The following NUP214 variants were observed in gnomAD, a reference collection of about 807,000 sequenced individuals.
NUP214 encodes the protein nucleoporin 214.
A neutral mutation model predicts 196.2 loss-of-function variants in NUP214; 79 were observed. The ratio of observed to expected loss-of-function variants is 0.40; its 90% confidence interval spans 0.34 to 0.49. The LOEUF (loss-of-function observed/expected upper bound fraction) is 0.49, where lower values mean the gene tolerates loss of function less well. Ranked by LOEUF, NUP214 falls within the 20% of genes least tolerant of loss-of-function variation. NUP214 has a pLI of 0.58. For missense variants in NUP214, 2,468 were observed against 2,539.0 expected, an observed-to-expected ratio of 0.97 and a Z score of 0.60; for synonymous variants, 1,020 against 990.5, an observed-to-expected ratio of 1.03 and a Z score of -0.56.
Position 131,197,677 on chromosome 9 carries a change from A to G in NUP214, c.4183A>G (p.Thr1395Ala), listed in dbSNP as rs1248077234. 30 of 1,614,022 alleles carry G rather than the reference A, an allele frequency of 1.9e-5. No individual in the cohort carries two copies. Among genetic ancestry groups the G allele is most frequent in the Non-Finnish European group, 2.5e-5 (30 of 1,179,988 alleles). ...EPPVTSSATT[T>A]SVAPPAATST... is the part of the protein sequence containing the mutation. ...CCCTGTGACATCCTCTGCAACCACC[A>G]CCTCAGTAGCACCACCAGCAGCCAC... is the stretch of plus-strand genomic sequence containing the variant. Residue 1395 changes from threonine to alanine, a missense_variant, in exon 29 of 36, where the codon ACC becomes GCC. This residue lies in a region of NUP214 where 1,801 missense variants were observed against 1,779.4 expected (regional missense o/e 1.01). Coordinates refer to ENST00000359428, the MANE Select transcript of NUP214 (RefSeq NM_005085.4).
intron 1 of NUP214, chr9:131,126,294 A>G (rs1337341584): frequency 6.5e-6 from 1 of 154,048 alleles, no homozygotes; most frequent in Admixed American, 6.5e-5. Context: ...TCGGTATATC[A>G]GCCTAAAGTC....
At chr9:131,164,222 C>A (rs947813849) in intron 21 of NUP214, 78 bp downstream of exon 21, 1 of 1,299,408 alleles carries the variant, frequency 7.7e-7, no homozygotes, top group Non-Finnish European at 1.1e-6. Flanking sequence ...CGCACATGCA[C>A]GTGTGCATGT....
intron 30 of NUP214, among the ~76,000 whole-genome samples, chr9:131,211,917 C>T (rs974287554): frequency 6.6e-6 from 1 of 152,168 alleles, no homozygotes; most frequent in Non-Finnish European, 1.5e-5. Context: ...TTTCATGGAA[C>T]AAGGGAGATA....
chr9:131,184,335 CTT>C (rs544235064), intron 24 of NUP214, among the ~76,000 whole-genome samples: 17 of 93,618 alleles, frequency 1.8e-4, no homozygotes, highest in African/African-American at 1.6e-4. Context: ...CGGCCTCTCT[CTT>C]TTTTTTTTTT....
intron 12 of NUP214, among the ~76,000 whole-genome samples, chr9:131,145,758 T>G (rs1486340626): frequency 2.6e-5 from 4 of 152,174 alleles, no homozygotes; most frequent in Non-Finnish European, 5.9e-5. Flanking sequence ...TCTCAGTAAT[T>G]TCCTTGGTAA....
At chr9:131,188,957 T>C (rs189020747) in intron 25 of NUP214, 96 bp from the exon 26 acceptor site, 1 of 907,428 alleles carries the variant, frequency 1.1e-6, no homozygotes, top group East Asian at 2.5e-5. Context: ...CTTGCTTATT[T>C]TAAATTATAT....
In NUP214 at chr9:131,125,604, C is replaced by G. The variant is rs774688708; in HGVS notation, c.-101C>G. On this transcript the variant is annotated 5_prime_UTR_variant, in exon 1 of 36. Coordinates refer to ENST00000359428, the MANE Select transcript of NUP214 (RefSeq NM_005085.4). The surrounding 1 kb of genome is among the most constrained non-coding windows in gnomAD (Gnocchi z 4.1). ...GAAATGCGAGGTCAACTGCGCGCCGCTGGCGCTGAGGGGAGGAAGTTTGCT... is the reference window on the plus strand; with the variant it reads ...GAAATGCGAGGTCAACTGCGCGCCGGTGGCGCTGAGGGGAGGAAGTTTGCT... 1.9e-6 allele frequency: 3 copies of G among 1,548,752 alleles called. No homozygotes were observed. Among genetic ancestry groups the G allele is most frequent in the Non-Finnish European group, 2.6e-6 (3 of 1,145,312 alleles).
chr9:131,204,686 G>A (rs1834031736), intron 30 of NUP214, among the ~76,000 whole-genome samples: 1 of 152,196 alleles, frequency 6.6e-6, no homozygotes, highest in Middle Eastern at 3.2e-3. Flanking sequence ...AAAAAATCCT[G>A]TAGGAGAAAA....
chr9:131,175,870 GT>G (rs565219993), intron 23 of NUP214: 4,577 of 366,406 alleles, frequency 0.012, no homozygotes, highest in East Asian at 0.016. Context: ...AGTGGGGTTT[GT>G]TTTTTTTTTT....
At chr9:131,158,226 G>A (rs1832519558) in intron 17 of NUP214, among the ~76,000 whole-genome samples, 1 of 152,148 alleles carries the variant, frequency 6.6e-6, no homozygotes, top group Non-Finnish European at 1.5e-5. Flanking sequence ...TTATAGGCAT[G>A]CATCACCCTG....
intron 19 of NUP214, 75 bp downstream of exon 19, chr9:131,163,248 A>G (rs1832694976): frequency 1.4e-5 from 20 of 1,443,506 alleles, no homozygotes; most frequent in Non-Finnish European, 1.9e-5. Flanking sequence ...AGAGTGGTTC[A>G]GATATGGGTT....
At chr9:131,132,549 G>A in intron 5 of NUP214, 47 bp from the exon 6 acceptor site, 2 of 1,512,664 alleles carry the variant, frequency 1.3e-6, no homozygotes, top group Non-Finnish European at 1.8e-6. Context: ...ATTGGTTTAG[G>A]ATTTGTTTCA....
rs758861857 is a variant in NUP214 at position 131,230,685 on chromosome 9, C to T, written c.6130C>T (p.Pro2044Ser). The change falls in exon 34 of 36, where the codon CCC becomes TCC. Residue 2044 changes from proline to serine, a missense_variant. Pro to Ser is a moderately conservative substitution (Grantham distance 74, BLOSUM62 -1). Around this residue, in one of 5 missense-constraint regions of NUP214, gnomAD observed 262 missense variants for 296.5 expected, o/e 0.88. Transcript: ENST00000359428. ...SFGTLASQNA[P>S]TFGSLSQQTS... ...CGGCACGCTCGCGAGTCAGAATGCC[C>T]CCACTTTCGGATCACTGTCCCAACA... is the stretch of plus-strand genomic sequence containing the variant. 6.2e-7 allele frequency: 1 copy of T among 1,614,110 alleles called. No homozygotes were observed. The highest frequency in any genetic ancestry group is 1.1e-5 in the South Asian group (1 of 91,084).
intron 17 of NUP214, among the ~76,000 whole-genome samples, chr9:131,154,518 G>A (rs1439920714): frequency 1.3e-5 from 2 of 152,156 alleles, no homozygotes; most frequent in African/African-American, 4.8e-5. Flanking sequence ...GCAGTGGCGT[G>A]ATCTTGGCTC....
At position 131,198,056 on chromosome 9, in the gene NUP214, A is replaced by G; in HGVS notation, c.4562A>G (p.Gln1521Arg). 1 of 1,614,234 alleles carries G rather than the reference A, an allele frequency of 6.2e-7. No individual in the cohort carries two copies. The stretch of plus-strand genomic sequence containing the variant: ...TCAGCAGCCTCACTTCTAGAGGAGC[A>G]ACAGTCAGCCCAGCTTCCCCAGGCT... The part of the protein sequence containing the change: ...SASAASLLEE[Q>R]QSAQLPQAPP... Residue 1521 changes from glutamine (Q) to arginine (R), a missense_variant, in exon 29 of 36, where the codon CAA becomes CGA. By Grantham distance (43) the Gln-to-Arg change is conservative. Coordinates refer to ENST00000359428, the MANE Select transcript of NUP214 (RefSeq NM_005085.4).
intron 17 of NUP214, among the ~76,000 whole-genome samples, chr9:131,154,216 AT>A (rs961540858): frequency 5.3e-5 from 8 of 151,706 alleles, no homozygotes; most frequent in Admixed American, 1.3e-4. Context: ...CCACAAAATA[AT>A]TTTTTTTTAA....
chr9:131,157,209 G>A (rs1469315598), intron 17 of NUP214, among the ~76,000 whole-genome samples: 2 of 151,728 alleles, frequency 1.3e-5, no homozygotes, highest in African/African-American at 2.4e-5. Flanking sequence ...GGGCCAGAGT[G>A]TGTGGTGCGG....
At position 131,197,436 on chromosome 9, in the gene NUP214, G is replaced by T; in HGVS notation, c.3942G>T (p.Pro1314=). The T allele has an allele frequency of 6.2e-7, 1 of 1,614,136 alleles. No homozygotes were observed. The highest frequency in any genetic ancestry group is 1.1e-5 in the South Asian group (1 of 91,070). Residue 1314 remains proline, a synonymous_variant, in exon 29 of 36, where the codon CCG becomes CCT. Coordinates refer to ENST00000359428, the MANE Select transcript of NUP214 (RefSeq NM_005085.4). ...STTSSKLETP[P]SKLGELLFPS... ...CCTCTAGTAAGCTGGAAACCCCACC[G>T]TCCAAGCTGGGAGAGCTTCTGTTTC... is the stretch of plus-strand genomic sequence containing the variant.
chr9:131,162,093 G>A (rs2133552397), intron 18 of NUP214, among the ~76,000 whole-genome samples: 1 of 152,228 alleles, frequency 6.6e-6, no homozygotes. Flanking sequence ...TGTGGCCCAG[G>A]GAAGCAAAAG....
Sources: allele counts gnomAD v4.1 joint callset (sites outside exome capture counted in the v4.1 genomes callset), GRCh38; gene constraint gnomAD v4.1.1; regional missense constraint gnomAD v4.1.1; non-coding constraint Gnocchi (gnomAD v3.1); transcripts MANE v1.5; gene names NCBI Gene and HGNC (gene_info 2026-07-23, HGNC 2026-07-21).